Variants in GALNTL6 observed in about 807,000 individuals in gnomAD.
GALNTL6 encodes polypeptide N-acetylgalactosaminyltransferase-like 6.
Under a neutral mutation model 73.7 loss-of-function variants are expected in GALNTL6, and 46 were observed. That is an observed-to-expected ratio of 0.62 (90% CI 0.49 to 0.80). GALNTL6 has a LOEUF of 0.80. GALNTL6 is among the 30% of genes least tolerant of loss of function. The pLI, the probability that GALNTL6 is intolerant of heterozygous loss-of-function variation, is 0.00. For missense variants in GALNTL6, 604 were observed against 755.0 expected (o/e 0.80, Z 2.34); for synonymous variants, 259 against 263.7 (o/e 0.98, Z 0.17).
intron 5 of GALNTL6, among the ~76,000 whole-genome samples, chr4:172,792,676 T>TTC (rs897356092): frequency 3.3e-5 from 5 of 151,310 alleles, no homozygotes; most frequent in African/African-American, 1.2e-4. Context: ...TTTAGCTTTT[T>TTC]TTTTTTTTTT....
intron 3 of GALNTL6, among the ~76,000 whole-genome samples, chr4:172,298,321 T>C (rs1326965560): frequency 6.6e-6 from 1 of 152,174 alleles, no homozygotes; most frequent in Non-Finnish European, 1.5e-5. Flanking sequence ...CGACTTCCTC[T>C]TTTCCTAATT....
intron 5 of GALNTL6, among the ~76,000 whole-genome samples, chr4:172,622,869 G>A (rs186718068): frequency 5.9e-5 from 9 of 152,144 alleles, no homozygotes; most frequent in Admixed American, 2.0e-4. Context: ...TTGACAAAGC[G>A]TTTAAGGTTG....
intron 5 of GALNTL6, among the ~76,000 whole-genome samples, chr4:172,414,534 A>T (rs1744554287): frequency 6.6e-6 from 1 of 152,154 alleles, no homozygotes; most frequent in African/African-American, 2.4e-5. Context: ...ATCGTATTTC[A>T]TTCACACGAT....
intron 8 of GALNTL6, among the ~76,000 whole-genome samples, chr4:172,895,788 A>T (rs1746294135): frequency 2.6e-5 from 4 of 152,122 alleles, no homozygotes; most frequent in African/African-American, 9.7e-5. Context: ...CATAGATCCC[A>T]TAAGCTTTCT....
At chr4:171,952,249 T>A (rs1404300837) in intron 2 of GALNTL6, among the ~76,000 whole-genome samples, 2 of 150,922 alleles carry the variant, frequency 1.3e-5, no homozygotes, top group Non-Finnish European at 3.0e-5. Flanking sequence ...TAAAACGGAG[T>A]CAAAAAGAGA....
chr4:172,602,749 T>C (rs571914276), intron 5 of GALNTL6, among the ~76,000 whole-genome samples: 3 of 152,288 alleles, frequency 2.0e-5, no homozygotes, highest in African/African-American at 7.2e-5. Context: ...CCAAGAAATA[T>C]GAAAATGTAT....
At chr4:172,919,394 C>G (rs1008367856) in intron 8 of GALNTL6, among the ~76,000 whole-genome samples, 4 of 152,248 alleles carry the variant, frequency 2.6e-5, no homozygotes, top group South Asian at 2.1e-4. Context: ...GCTGAAAGCT[C>G]TCGGGCTTTC....
intron 2 of GALNTL6, among the ~76,000 whole-genome samples, chr4:172,062,285 G>T (rs1013908353): frequency 1.3e-5 from 2 of 152,034 alleles, no homozygotes; most frequent in Non-Finnish European, 2.9e-5. Flanking sequence ...TACTGAGAGA[G>T]AAATTTAATA....
intron 5 of GALNTL6, among the ~76,000 whole-genome samples, chr4:172,613,471 G>C (rs767685549): frequency 6.6e-6 from 1 of 151,902 alleles, no homozygotes; most frequent in Admixed American, 6.6e-5. Context: ...ATAAAGCCTT[G>C]AAAACCATAG....
intron 10 of GALNTL6, among the ~76,000 whole-genome samples, chr4:172,960,833 C>T (rs1306400096): frequency 3.3e-5 from 5 of 151,992 alleles, no homozygotes; most frequent in Non-Finnish European, 7.4e-5. Flanking sequence ...AGAGGTTTTA[C>T]GTTCTTGAGA....
intron 2 of GALNTL6, among the ~76,000 whole-genome samples, chr4:172,071,347 T>G (rs1731529107): frequency 9.1e-6 from 1 of 110,226 alleles, no homozygotes; most frequent in Non-Finnish European, 2.0e-5. Flanking sequence ...TGCTGTGTCC[T>G]GAAAGAAGAG....
intron 2 of GALNTL6, among the ~76,000 whole-genome samples, chr4:172,208,485 C>T (rs919209260): frequency 2.6e-5 from 4 of 152,220 alleles, no homozygotes; most frequent in South Asian, 2.1e-4. Context: ...AGTTTCAACA[C>T]AGCCAAATCT....
chr4:171,965,271 C>T (rs999207203), intron 2 of GALNTL6, among the ~76,000 whole-genome samples: 3 of 151,924 alleles, frequency 2.0e-5, no homozygotes, highest in South Asian at 2.1e-4. Context: ...GAATATGGAG[C>T]CAGAAAGTAT....
chr4:173,011,995 C>T (rs1230140206), intron 11 of GALNTL6, among the ~76,000 whole-genome samples: 1 of 152,208 alleles, frequency 6.6e-6, no homozygotes, highest in East Asian at 1.9e-4. Context: ...CCTCAAACTC[C>T]TGGGCTCAAG....
intron 2 of GALNTL6, among the ~76,000 whole-genome samples, chr4:172,187,629 A>G (rs1010961744): frequency 2.6e-5 from 4 of 152,096 alleles, no homozygotes; most frequent in East Asian, 1.9e-4. Flanking sequence ...AATAACCTCT[A>G]TCTGTCTTAT....
At chr4:172,816,440 T>C (rs1268621149) in intron 7 of GALNTL6, among the ~76,000 whole-genome samples, 1 of 152,188 alleles carries the variant, frequency 6.6e-6, no homozygotes, top group African/African-American at 2.4e-5. Context: ...TATTAATTAA[T>C]TGGATTGAAT....
chr4:172,858,824 T>C (rs376974311), intron 7 of GALNTL6, among the ~76,000 whole-genome samples: 2 of 151,928 alleles, frequency 1.3e-5, no homozygotes, highest in South Asian at 4.2e-4. Flanking sequence ...GGAACGTGAC[T>C]GGGACTTGCA....
At chr4:172,001,449 A>T (rs1740668811) in intron 2 of GALNTL6, among the ~76,000 whole-genome samples, 1 of 152,158 alleles carries the variant, frequency 6.6e-6, no homozygotes, top group South Asian at 2.1e-4. Context: ...AACTTGCTTC[A>T]TGATAAAATG....
At chr4:172,597,090 A>G (rs538623802) in intron 5 of GALNTL6, among the ~76,000 whole-genome samples, 4 of 152,358 alleles carry the variant, frequency 2.6e-5, no homozygotes, top group East Asian at 3.9e-4. Context: ...ATTTAACAAT[A>G]TAAGTGAGAA....
Sources: gnomAD v4.1 joint callset for allele counts (sites outside exome capture counted in the v4.1 genomes callset) on GRCh38, gnomAD v4.1.1 for gene constraint, MANE v1.5 for transcripts, NCBI Gene and HGNC (gene_info 2026-07-23, HGNC 2026-07-21) for gene names.